The following SF3B2 variants were observed in gnomAD, a reference collection of about 807,000 sequenced individuals.
SF3B2 encodes splicing factor 3b subunit 2.
SF3B2 carries 22 observed loss-of-function variants against 116.3 expected under a neutral mutation model. The observed-to-expected ratio is 0.19, with a 90% CI of 0.14 to 0.27. The LOEUF is 0.27. Ranked by LOEUF, SF3B2 falls within the 10% of genes least tolerant of loss-of-function variation. SF3B2 has a pLI of 1.00. For synonymous variants in SF3B2, 406 were observed against 421.6 expected (o/e 0.96, Z 0.45); for missense variants, 767 against 1,151.4 (o/e 0.67, Z 4.83).
In SF3B2 at chr11:66,069,160, A is replaced by G. The variant is rs1337711478; in HGVS notation, c.*415A>G. 1 of 352,826 alleles carries G rather than the reference A, an allele frequency of 2.8e-6. No homozygotes were observed. Among genetic ancestry groups the G allele is most frequent in the African/African-American group, 2.1e-5 (1 of 46,884 alleles). 21.9% of individuals were successfully genotyped at this position (352,826 alleles called of 1,614,324 possible). A position where few individuals can be genotyped will look rare whatever the true frequency, so the allele number is the denominator to read the frequency against. ...TACTTTGTCCTTGGGGAGTAAAAAT[A>G]GCCAGATTAGCGCCCTAGCGCGGCA... On this transcript the variant is annotated 3_prime_UTR_variant, in exon 22 of 22. Transcript: ENST00000322535.
chr11:66,068,346 A>G lies in SF3B2; in HGVS notation c.2616+13A>G. On this transcript the variant is annotated intron_variant, in intron 21 of 21. Transcript: ENST00000322535. Reference sequence around the variant, plus strand: ...TGCCAAACAGAAGGTAGGCGCTTCCAGGGGCGCTGGGCTGGGTGAGAGCCA... The same window carrying G: ...TGCCAAACAGAAGGTAGGCGCTTCCGGGGGCGCTGGGCTGGGTGAGAGCCA... 1.3e-6 allele frequency: 2 copies of G among 1,591,452 alleles called. No individual in the cohort carries two copies. Among genetic ancestry groups the G allele is most frequent in the Non-Finnish European group, 1.7e-6 (2 of 1,170,690 alleles).
intron 19 of SF3B2, chr11:66,064,645 A>T (rs1044673164): frequency 6.6e-6 from 1 of 151,908 alleles, no homozygotes; most frequent in Non-Finnish European, 1.5e-5. Flanking sequence ...ATCTGATATC[A>T]TTTTTCCTCT....
intron 18 of SF3B2, 39 bp downstream of exon 18, chr11:66,063,581 C>A: frequency 6.2e-7 from 1 of 1,610,490 alleles, no homozygotes; most frequent in Non-Finnish European, 8.5e-7. Flanking sequence ...AGTGGGCTAT[C>A]TTTGGGGTCC....
Position 66,069,206 on chromosome 11 carries a change from G to GGGAA in SF3B2, c.*463_*466dup, listed in dbSNP as rs1857245836. On this transcript the variant is annotated 3_prime_UTR_variant, in exon 22 of 22. Transcript: ENST00000322535. Reference sequence around the variant, plus strand: ...CGGCAGAGGAAGTAACAGTGGGCTTGGGAAGTAGGCCAGGGCAGGCCTTCC... The same window carrying GGGAA: ...CGGCAGAGGAAGTAACAGTGGGCTTGGGAAGGAAGTAGGCCAGGGCAGGCCTTCC... 5 of 361,038 alleles carry GGGAA rather than the reference G, an allele frequency of 1.4e-5. No homozygotes were observed. Among genetic ancestry groups the GGGAA allele is most frequent in the South Asian group, 9.9e-5 (5 of 50,282 alleles). 22.4% of individuals were successfully genotyped at this position (361,038 alleles called of 1,614,324 possible).
At position 66,054,980 on chromosome 11, in the gene SF3B2, T is replaced by C. The variant is rs1289829298; in HGVS notation, c.259-96T>C. ...AGTGGTAACTATGTATCATTTGACT[T>C]AGAATTCCAGCTCCTGACTCAAAGT... On this transcript the variant is annotated intron_variant, in intron 3 of 21. Coordinates refer to ENST00000322535, the MANE Select transcript of SF3B2 (RefSeq NM_006842.3). 9 of 1,249,168 alleles carry C rather than the reference T, an allele frequency of 7.2e-6. No individual in the cohort carries two copies. In the African/African-American group the frequency reaches 1.2e-4, roughly 17 times the overall value. The allele number at this position is 1,249,168 out of a possible 1,614,324, so 77.4% of individuals were successfully genotyped here.
Position 66,068,406 on chromosome 11 carries a change from C to T in SF3B2, c.2616+73C>T, listed in dbSNP as rs1331119307. On this transcript the variant is annotated intron_variant, in intron 21 of 21. Coordinates refer to ENST00000322535, the MANE Select transcript of SF3B2 (RefSeq NM_006842.3). ...GCCTGCCGTTTTCAGTGGCATGGTG[C>T]CCTCTAGTGGTGAGAGTGAGGGTGG... The T allele has an allele frequency of 2.7e-5, 39 of 1,448,128 alleles. No homozygotes were observed. The East Asian group carries it at 4.7e-4, about 17-fold the overall frequency. 89.7% of individuals were successfully genotyped at this position (1,448,128 alleles called of 1,614,324 possible).
At chr11:66,053,362 C>T (rs1294430387) in intron 3 of SF3B2, 2 of 502,884 alleles carry the variant, frequency 4.0e-6, no homozygotes, top group African/African-American at 3.8e-5. Context: ...CACTTGCCTC[C>T]TTTTCCACTG....
intron 14 of SF3B2, 39 bp from the exon 15 acceptor site, chr11:66,061,647 T>C: frequency 6.8e-7 from 1 of 1,479,236 alleles, no homozygotes. Flanking sequence ...CCACTGAGTG[T>C]CTGGGTCTAC....
intron 5 of SF3B2, among the ~76,000 whole-genome samples, chr11:66,056,399 CAAAAA>C (rs34575917): frequency 5.7e-5 from 3 of 52,178 alleles, no homozygotes; most frequent in Non-Finnish European, 1.1e-4. Flanking sequence ...GACTCTGTCT[CAAAAA>C]AAAAAAAAAA....
At chr11:66,068,368 G>C (rs1391760334) in intron 21 of SF3B2, 35 bp downstream of exon 21, 5 of 1,523,104 alleles carry the variant, frequency 3.3e-6, no homozygotes, top group Non-Finnish European at 4.4e-6. Context: ...CTGGGTGAGA[G>C]CCAGGGACCC....
intron 3 of SF3B2, among the ~76,000 whole-genome samples, chr11:66,054,499 C>T (rs1012112598): frequency 6.7e-6 from 1 of 149,862 alleles, no homozygotes; most frequent in Non-Finnish European, 1.5e-5. Flanking sequence ...AAAAATACAG[C>T]TTGAATACAA....
At chr11:66,067,224 C>T in intron 19 of SF3B2, 1 of 338,974 alleles carries the variant, frequency 3.0e-6, no homozygotes, top group South Asian at 2.3e-5. Context: ...GTACTGTGGA[C>T]AGAGTATAGT....
chr11:66,056,737 G>A, intron 5 of SF3B2, 101 bp from the exon 6 acceptor site: 1 of 847,060 alleles, frequency 1.2e-6, no homozygotes, highest in East Asian at 2.5e-5. Context: ...GTTCGTGATT[G>A]TTCTCCTTGG....
Position 66,063,102 on chromosome 11 carries a change from G to T in SF3B2, c.2071G>T (p.Ala691Ser). Residue 691 changes from alanine to serine, a missense_variant, in exon 17 of 22, where the codon GCT becomes TCT. Ala to Ser is a moderately conservative substitution (Grantham distance 99). This residue lies in a region of SF3B2 where 282 missense variants were observed against 568.0 expected (regional missense o/e 0.50). Coordinates refer to ENST00000322535, the MANE Select transcript of SF3B2 (RefSeq NM_006842.3). ...PLYGDVFGTNAAEFQTKTEEE... is the reference protein window; with the variant it reads ...PLYGDVFGTNSAEFQTKTEEE... ...CTATGGGGACGTGTTTGGAACCAAT[G>T]CTGCTGAATTTCAGGTATGGGCCAT... 3 of 1,613,324 alleles carry T rather than the reference G, an allele frequency of 1.9e-6. No homozygotes were observed. Among genetic ancestry groups the T allele is most frequent in the Non-Finnish European group, 2.5e-6 (3 of 1,179,406 alleles).
chr11:66,056,944 T>C lies in SF3B2; in HGVS notation c.656T>C (p.Leu219Pro). 1 of 1,613,138 alleles carries C rather than the reference T, an allele frequency of 6.2e-7. No individual in the cohort carries two copies. Residue 219 changes from leucine to proline, a missense_variant, in exon 6 of 22, where the codon CTG (leucine) becomes CCG (proline). Leu to Pro is a moderately conservative substitution (Grantham distance 98). Coordinates refer to ENST00000322535, the MANE Select transcript of SF3B2 (RefSeq NM_006842.3). Reference sequence around the variant, plus strand: ...GGCCAGATTGGTGTGCGCACTCCTCTGGGTCCTCGAGGTGAGACCCTGGAA... The same window carrying C: ...GGCCAGATTGGTGTGCGCACTCCTCCGGGTCCTCGAGGTGAGACCCTGGAA... The part of the protein sequence containing the change: ...DMGQIGVRTP[L>P]GPRVAAPVGP...
In SF3B2 at chr11:66,055,114, C is replaced by T. The variant is rs766516365; in HGVS notation, c.297C>T (p.Leu99=). The T allele has an allele frequency of 1.3e-6, 2 of 1,543,152 alleles. No homozygotes were observed. Among genetic ancestry groups the T allele is most frequent in the Non-Finnish European group, 1.8e-6 (2 of 1,140,684 alleles). Reference sequence around the variant, plus strand: ...CCATGCCACCACCACCTTTGGGACTCCCCCCTCTGCAGCCTCCTCCGCCAC... The same window carrying T: ...CCATGCCACCACCACCTTTGGGACTTCCCCCTCTGCAGCCTCCTCCGCCAC... ...GIPMPPPPLG[L]PPLQPPPPPP... Residue 99 remains leucine (L), a synonymous_variant, in exon 4 of 22, where the codon CTC becomes CTT. Coordinates refer to ENST00000322535, the MANE Select transcript of SF3B2 (RefSeq NM_006842.3).
In SF3B2 at chr11:66,055,224, G is replaced by A; in HGVS notation, c.407G>A (p.Gly136Asp). 6.2e-7 allele frequency: 1 copy of A among 1,613,936 alleles called. No individual in the cohort carries two copies. Among genetic ancestry groups the A allele is most frequent in the East Asian group, 2.2e-5 (1 of 44,882 alleles). The change falls in exon 4 of 22, where the codon GGT becomes GAT. Residue 136 changes from glycine (G) to aspartate (D), a missense_variant. Gly to Asp is a moderately conservative substitution (Grantham distance 94). Transcript: ENST00000322535. ...GGGCCCCCGCCTCCTCTCCGTGTGG[G>A]TGAGCCAGTGGCACTGTCAGAGGAG... ...NLGPPPPLRV[G>D]EPVALSEEER...
chr11:66,066,744 T>G (rs1309300245), intron 19 of SF3B2: 2 of 152,408 alleles, frequency 1.3e-5, no homozygotes, highest in Non-Finnish European at 2.9e-5. Flanking sequence ...GTTGCTGTTA[T>G]GAATCCTTTT....
At chr11:66,063,857 C>T (rs1279161594) in intron 19 of SF3B2, 128 bp downstream of exon 19, 4 of 670,572 alleles carry the variant, frequency 6.0e-6, no homozygotes, top group Admixed American at 6.1e-5. Context: ...CCAGGCACTA[C>T]TGTAGGCAGT....
Sources: gnomAD v4.1 joint callset for allele counts (sites outside exome capture counted in the v4.1 genomes callset) on GRCh38, gnomAD v4.1.1 for gene constraint, gnomAD v4.1.1 regional missense constraint, MANE v1.5 for transcripts, NCBI Gene and HGNC (gene_info 2026-07-23, HGNC 2026-07-21) for gene names.